The following PCDHGA4 variants were observed in gnomAD, a reference collection of about 807,000 sequenced individuals.
PCDHGA4 encodes the protein protocadherin gamma subfamily A, 4, also known as protocadherin gamma-A4.
Under a neutral mutation model 54.6 loss-of-function variants are expected in PCDHGA4, and 38 were observed. The observed-to-expected ratio is 0.70, with a 90% CI of 0.54 to 0.91. The LOEUF (loss-of-function observed/expected upper bound fraction) is 0.91. Among genes scored for constraint, PCDHGA4 ranks in the 40% least tolerant of loss-of-function variants. The pLI, the probability that PCDHGA4 is intolerant of heterozygous loss-of-function variation, is 0.00. For missense variants in PCDHGA4, 1,298 were observed against 1,220.9 expected (o/e 1.06, Z -0.94); for synonymous variants, 511 against 512.9 (o/e 1.00, Z 0.05).
At chr5:141,383,657 A>G in intron 1 of PCDHGA4, 2 of 1,614,058 alleles carry the variant, frequency 1.2e-6, no homozygotes, top group Non-Finnish European at 1.7e-6. Context: ...ACTGTCCCCG[A>G]GAATGTGCCA....
At chr5:141,417,179 A>C (rs1015183950) in intron 1 of PCDHGA4, 1 of 152,194 alleles carries the variant, frequency 6.6e-6, no homozygotes, top group African/African-American at 2.4e-5. Context: ...GAAATAAGGA[A>C]TTATTACTTT....
At chr5:141,425,957 C>A (rs1317696447) in intron 1 of PCDHGA4, among the ~76,000 whole-genome samples, 1 of 152,140 alleles carries the variant, frequency 6.6e-6, no homozygotes, top group Non-Finnish European at 1.5e-5. Context: ...TACATTAGTC[C>A]AACACATCAG....
At position 141,477,284 on chromosome 5, in the gene PCDHGA4, G is replaced by A. The variant is rs751714522; in HGVS notation, c.2515-17523G>A. 5.0e-6 allele frequency: 8 copies of A among 1,614,150 alleles called. No homozygotes were observed. The South Asian group carries it at 6.6e-5, about 13-fold the overall frequency. ...TGGCGAGAACGGGCTGGTGACCTGC[G>A]AAGTTCCACCGGGTCTCCCTTTCAG... On this transcript the variant is annotated intron_variant, in intron 1 of 3. Transcript: ENST00000571252. This position sits in a 1 kb window ranked among gnomAD's most constrained non-coding sequence, Gnocchi z 4.9.
At chr5:141,365,292 C>T in intron 1 of PCDHGA4, 1 of 1,614,002 alleles carries the variant, frequency 6.2e-7, no homozygotes, top group Non-Finnish European at 8.5e-7. Flanking sequence ...GAAGTGGTAG[C>T]TCAGGATGGA....
At chr5:141,426,810 C>T (rs769435523) in intron 1 of PCDHGA4, 4 of 456,568 alleles carry the variant, frequency 8.8e-6, no homozygotes, top group Non-Finnish European at 1.8e-5. Flanking sequence ...TTCTAATGAA[C>T]ATTTCTCTCT....
In PCDHGA4 at chr5:141,361,444, A is replaced by G. The variant is rs750659023; in HGVS notation, c.2514+3823A>G. 4.3e-6 allele frequency: 7 copies of G among 1,613,988 alleles called. No individual in the cohort carries two copies. The Admixed American group carries it at 1.0e-4, about 23-fold the overall frequency. ...CAAGCCGCCCCTCTCCTCCAGCATA[A>G]TTGTCACCCTGCACATCTCCGACGT... On this transcript the variant is annotated intron_variant, in intron 1 of 3. Transcript: ENST00000571252.
Position 141,486,912 on chromosome 5 carries a change from T to C in PCDHGA4, c.2515-7895T>C. The stretch of plus-strand genomic sequence containing the variant: ...CCTGGTTCCTTATGTCCCCAAGCAC[T>C]GCCTCCATCAGTTGGTGCTGGCCAC... On this transcript the variant is annotated intron_variant, in intron 1 of 3. Coordinates refer to ENST00000571252, the MANE Select transcript of PCDHGA4 (RefSeq NM_018917.4). This position sits in a 1 kb window ranked among gnomAD's most constrained non-coding sequence, Gnocchi z 5.0. The C allele has an allele frequency of 1.2e-6, 2 of 1,614,246 alleles. No homozygotes were observed. Among genetic ancestry groups the C allele is most frequent in the Non-Finnish European group, 1.7e-6 (2 of 1,180,040 alleles).
chr5:141,491,434 A>T lies in PCDHGA4; in HGVS notation c.2515-3373A>T. 6.2e-7 allele frequency: 1 copy of T among 1,614,032 alleles called. No homozygotes were observed. Among genetic ancestry groups the T allele is most frequent in the Non-Finnish European group, 8.5e-7 (1 of 1,179,988 alleles). On this transcript the variant is annotated intron_variant, in intron 1 of 3. Transcript: ENST00000571252. The surrounding 1 kb of genome is among the most constrained non-coding windows in gnomAD (Gnocchi z 6.9). ...GGACGGGGGTGGAGGGCAGTGCTGC[A>T]GGCGCCAGGACTCACCCTCCCCGGA...
rs1418271960 is a variant in PCDHGA4 at position 141,372,958 on chromosome 5, T to C, written c.2514+15337T>C. ...AGTAGGGTGTCTAGGAAATTCTTTG[T>C]AGAATTTCCTGTAGAATATCTGTGT... On this transcript the variant is annotated intron_variant, in intron 1 of 3. Transcript: ENST00000571252. 8.4e-6 allele frequency: 6 copies of C among 710,456 alleles called. No individual in the cohort carries two copies. The Middle Eastern group carries it at 1.1e-3, about 132-fold the overall frequency. The allele number at this position is 710,456 out of a possible 1,614,324, so 44.0% of individuals were successfully genotyped here. A position where few individuals can be genotyped will look rare whatever the true frequency, so the allele number is the denominator to read the frequency against.
chr5:141,357,283 G>A lies in PCDHGA4; in HGVS notation c.2176G>A (p.Val726Met), dbSNP rs1331932822. ...DDSGLTLYLVVAVAAVSCVFL... is the reference protein window; with the variant it reads ...DDSGLTLYLVMAVAAVSCVFL... ...CTCGGGCCTCACACTCTATCTCGTG[G>A]TGGCAGTGGCCGCTGTCTCCTGCGT... The change falls in exon 1 of 4, where the codon GTG (valine) becomes ATG (methionine). Residue 726 changes from valine (V) to methionine (M), a missense_variant. Val to Met is a conservative substitution (Grantham distance 21, BLOSUM62 1). Transcript: ENST00000571252. 6.2e-7 allele frequency: 1 copy of A among 1,613,948 alleles called. No individual in the cohort carries two copies. Among genetic ancestry groups the A allele is most frequent in the East Asian group, 2.2e-5 (1 of 44,876 alleles).
chr5:141,365,893 C>G, intron 1 of PCDHGA4: 3 of 1,614,190 alleles, frequency 1.9e-6, no homozygotes, highest in Admixed American at 1.7e-5. Flanking sequence ...GATCCTTCGA[C>G]TATGAGCAGT....
Position 141,450,757 on chromosome 5 carries a change from G to A in PCDHGA4, c.2515-44050G>A, listed in dbSNP as rs575351311. Among the ~76,000 whole-genome samples, 5 of 151,964 alleles carry A rather than the reference G, an allele frequency of 3.3e-5. No individual in the cohort carries two copies. In the East Asian group the frequency reaches 9.7e-4, roughly 29 times the overall value. ...CCGCCTTGGCCTCCCAAAGTGCCGG[G>A]ATTACAGGCATGAGCCACCGTGCCC... On this transcript the variant is annotated intron_variant, in intron 1 of 3. Coordinates refer to ENST00000571252, the MANE Select transcript of PCDHGA4 (RefSeq NM_018917.4).
chr5:141,388,226 G>A, intron 1 of PCDHGA4: 1 of 1,605,056 alleles, frequency 6.2e-7, no homozygotes, highest in Non-Finnish European at 8.5e-7. Flanking sequence ...AAAATCCACT[G>A]AACTTTTATC....
chr5:141,409,502 T>C, intron 1 of PCDHGA4: 2 of 1,613,986 alleles, frequency 1.2e-6, no homozygotes, highest in South Asian at 1.1e-5. Flanking sequence ...GCCTCTTTCT[T>C]CCAGTAGAAG....
At chr5:141,472,980 C>CAAAAAAAA (rs60579131) in intron 1 of PCDHGA4, among the ~76,000 whole-genome samples, 7 of 86,098 alleles carry the variant, frequency 8.1e-5, no homozygotes, top group Admixed American at 1.2e-4. Context: ...GAGTGAAACT[C>CAAAAAAAA]AAAAAAAAAA....
At chr5:141,473,858 C>G (rs569473917) in intron 1 of PCDHGA4, among the ~76,000 whole-genome samples, 1 of 152,286 alleles carries the variant, frequency 6.6e-6, no homozygotes, top group Admixed American at 6.5e-5. Flanking sequence ...ATGAACCTCG[C>G]TATTGTGGAG....
chr5:141,453,796 T>C (rs1592274016), intron 1 of PCDHGA4, among the ~76,000 whole-genome samples: 1 of 152,242 alleles, frequency 6.6e-6, no homozygotes, highest in East Asian at 1.9e-4. Context: ...ATATTAACTT[T>C]GAGTAGTTCC....
intron 1 of PCDHGA4, among the ~76,000 whole-genome samples, chr5:141,468,798 G>A (rs895012127): frequency 7.9e-5 from 12 of 151,646 alleles, no homozygotes; most frequent in East Asian, 2.0e-4. Context: ...CCCGGGAGGC[G>A]GAACTTGCAG....
At chr5:141,370,431 C>T (rs781725502) in intron 1 of PCDHGA4, 6 of 1,599,456 alleles carry the variant, frequency 3.8e-6, no homozygotes, top group Non-Finnish European at 5.1e-6. Context: ...CCCAGCAGGG[C>T]AGAGGCGAAT....
Sources: gnomAD v4.1 joint callset for allele counts (sites outside exome capture counted in the v4.1 genomes callset) on GRCh38, gnomAD v4.1.1 for gene constraint, Gnocchi (gnomAD v3.1) non-coding constraint, MANE v1.5 for transcripts, NCBI Gene and HGNC (gene_info 2026-07-23, HGNC 2026-07-21) for gene names.